PFKFB3: variants seen among roughly 807,000 people sequenced by gnomAD.
The protein encoded by PFKFB3 is 6-phosphofructo-2-kinase/fructose-2,6-biphosphatase 3, also known as 6-phosphofructo-2-kinase/fructose-2,6-bisphosphatase 3.
PFKFB3 carries 33 observed loss-of-function variants against 68.0 expected under a neutral mutation model. The observed-to-expected ratio is 0.49, with a 90% CI of 0.37 to 0.65. The LOEUF is 0.65. Ranked by LOEUF, PFKFB3 falls within the 30% of genes least tolerant of loss-of-function variation. The probability of loss-of-function intolerance (pLI) is 0.00; values close to 1 mark genes in which losing one functional copy is unlikely to be tolerated. For synonymous variants in PFKFB3, 315 were observed against 288.2 expected (o/e 1.09, Z -0.94); for missense variants, 586 against 712.2 (o/e 0.82, Z 2.02).
chr10:6,151,353 TGACAGTTCAAAAACACACTTCCCCCTG>T lies in PFKFB3; in HGVS notation c.16+6342_16+6368del, dbSNP rs1417418942. Reference sequence around the variant, plus strand: ...TGTAGCTCCGGAAGGTGCTCTGACATGACAGTTCAAAAACACACTTCCCCCTGGCCTGGGCTTCAACACTCACTTGTC... The same window carrying T: ...TGTAGCTCCGGAAGGTGCTCTGACATGCCTGGGCTTCAACACTCACTTGTC... On this transcript the variant is annotated intron_variant, in intron 1 of 14. Coordinates refer to the PFKFB3 transcript ENST00000379789. 4.7e-3 allele frequency among the ~76,000 whole-genome samples: 709 copies of T among 152,178 alleles called. 5 individuals are homozygous for T. Among genetic ancestry groups the T allele is most frequent in the African/African-American group, 0.015 (635 of 41,494 alleles).
At chr10:6,183,611 AAAAAT>A (rs371695446) in intron 1 of PFKFB3, among the ~76,000 whole-genome samples, 18,940 of 85,992 alleles carry the variant, frequency 0.22, 1,147 homozygotes, top group East Asian at 0.42. Context: ...CAAAAAAAAA[AAAAAT>A]ATATATATAT....
chr10:6,158,328 T>C (rs75635535), intron 1 of PFKFB3, among the ~76,000 whole-genome samples: 1,636 of 151,852 alleles, frequency 0.011, 65 homozygotes, highest in East Asian at 0.1. Flanking sequence ...AAAATAAAAG[T>C]CAGGCAGTGT....
At chr10:6,209,084 G>A (rs1315010330) in intron 1 of PFKFB3, among the ~76,000 whole-genome samples, 1 of 152,230 alleles carries the variant, frequency 6.6e-6, no homozygotes, top group Non-Finnish European at 1.5e-5. Flanking sequence ...TGGTGCATGT[G>A]CCCAGTGAGC....
At chr10:6,304,786 G>A in the PFKFB3 span, among the ~76,000 whole-genome samples, 4 of 145,178 alleles carry the variant, frequency 2.8e-5, no homozygotes, top group Non-Finnish European at 4.5e-5. Context: ...CTTGCAAAGT[G>A]TTGGGATTAC....
intron 1 of PFKFB3, among the ~76,000 whole-genome samples, chr10:6,177,866 G>A (rs1393171346): frequency 6.6e-6 from 1 of 152,128 alleles, no homozygotes. Context: ...CTTGGGAAAT[G>A]GTGTACACCA....
downstream of PFKFB3, among the ~76,000 whole-genome samples, chr10:6,239,382 A>G (rs900397558): frequency 5.9e-5 from 9 of 152,330 alleles, no homozygotes; most frequent in East Asian, 1.2e-3. Flanking sequence ...GAGTCACATC[A>G]CAGCCTAAGG....
At chr10:6,198,232 T>C (rs12219678), upstream of PFKFB3, among the ~76,000 whole-genome samples, 21,228 of 134,808 alleles carry the variant, frequency 0.16, 3,038 homozygotes, top group African/African-American at 0.39. Context: ...GGTGATAGCA[T>C]GAGACTCCGT....
intron 11 of PFKFB3, among the ~76,000 whole-genome samples, chr10:6,223,439 T>C (rs11257374): frequency 0.046 from 6,971 of 152,268 alleles, 450 homozygotes; most frequent in East Asian, 0.27. Context: ...CAACTCTAAG[T>C]CACCGTGAGG....
At chr10:6,184,771 C>CTT (rs35388630) in intron 1 of PFKFB3, among the ~76,000 whole-genome samples, 74,806 of 121,400 alleles carry the variant, frequency 0.62, 24,116 homozygotes, top group Middle Eastern at 0.67. Context: ...CGCGCCTGGC[C>CTT]TTTTTTTTTT....
At chr10:6,217,218 C>T in intron 6 of PFKFB3, 27 bp downstream of exon 6, 2 of 1,605,524 alleles carry the variant, frequency 1.2e-6, no homozygotes, top group Non-Finnish European at 1.7e-6. Context: ...CCCCGTGCTT[C>T]TGCGGCAGCG....
In PFKFB3 at chr10:6,213,602, CCTT is replaced by C; in HGVS notation, c.77-17_77-15del. ...TCCGGTCACTTGGTTGATGACACAC[CCTT>C]CTTGCTTGTTTTTCCAGCCTGTGGG... is the stretch of plus-strand genomic sequence containing the variant. On this transcript the variant is annotated intron_variant, in intron 1 of 14. Coordinates refer to ENST00000379775, the MANE Select transcript of PFKFB3 (RefSeq NM_004566.4). 1 of 1,606,992 alleles carries C rather than the reference CCTT, an allele frequency of 6.2e-7. No homozygotes were observed. The highest frequency in any genetic ancestry group is 8.5e-7 in the Non-Finnish European group (1 of 1,175,960).
rs1358879118 is a variant in PFKFB3 at position 6,156,127 on chromosome 10, A to ATGTGTGTGTGTGTG, written c.16+11115_16+11116insGTGTGTGTGTGTGT. On this transcript the variant is annotated intron_variant, in intron 1 of 14. Transcript: ENST00000379789. ...AGAGATATTATATATATGTACATATATATGTGTGTGTGTGTGTGTGTGTGT... is the reference window on the plus strand; with the variant it reads ...AGAGATATTATATATATGTACATATATGTGTGTGTGTGTGTATGTGTGTGTGTGTGTGTGTGTGT... 2.8e-4 allele frequency among the ~76,000 whole-genome samples: 13 copies of ATGTGTGTGTGTGTG among 46,786 alleles called. No individual in the cohort carries two copies. In the East Asian group the frequency reaches 3.0e-3, roughly 11 times the overall value. 30.7% of individuals were successfully genotyped at this position (46,786 alleles called of 152,430 possible).
At chr10:6,232,808 C>G (rs184539911) in intron 14 of PFKFB3, 87 bp from the exon 15 acceptor site, 5 of 1,020,006 alleles carry the variant, frequency 4.9e-6, no homozygotes, top group Non-Finnish European at 4.6e-6. Context: ...AAGAATTCTC[C>G]GTTGCATGGC....
At chr10:6,268,742 C>T in the PFKFB3 span, among the ~76,000 whole-genome samples, 1 of 151,104 alleles carries the variant, frequency 6.6e-6, no homozygotes, top group Non-Finnish European at 1.5e-5. Context: ...GTTAAAGAGG[C>T]TGGGTGATGT....
chr10:6,301,518 A>G, the PFKFB3 span, among the ~76,000 whole-genome samples: 1 of 152,244 alleles, frequency 6.6e-6, no homozygotes, highest in Non-Finnish European at 1.5e-5. Context: ...AAAGTGAAGA[A>G]TCCTCATTGA....
Position 6,232,955 on chromosome 10 carries a change from G to A in PFKFB3, c.*13G>A, listed in dbSNP as rs193259523. 6.7e-5 allele frequency: 108 copies of A among 1,605,682 alleles called. No individual in the cohort carries two copies. The East Asian group carries it at 2.0e-3, about 29-fold the overall frequency. On this transcript the variant is annotated 3_prime_UTR_variant, in exon 15 of 15. Coordinates refer to ENST00000379775, the MANE Select transcript of PFKFB3 (RefSeq NM_004566.4). ...CAGGAAACACTGAGGCAGACGTGTC[G>A]GTTCCATTCCATTTCCATTTCTGCA...
downstream of PFKFB3, among the ~76,000 whole-genome samples, chr10:6,257,995 G>C (rs1208624111): frequency 6.6e-6 from 1 of 152,132 alleles, no homozygotes; most frequent in African/African-American, 2.4e-5. Flanking sequence ...TAAAGCAAAA[G>C]CTCACCTAAG....
chr10:6,168,859 T>C (rs1443220144), intron 1 of PFKFB3, among the ~76,000 whole-genome samples: 1 of 152,184 alleles, frequency 6.6e-6, no homozygotes, highest in Non-Finnish European at 1.5e-5. Context: ...TTCAAAGCAC[T>C]TCACGGAATC....
At chr10:6,293,123 A>C in the PFKFB3 span, 1 of 450,242 alleles carries the variant, frequency 2.2e-6, no homozygotes, top group Admixed American at 2.5e-5. Flanking sequence ...GGTGTGGTCT[A>C]TTAGGCTTTT....
Sources: allele counts gnomAD v4.1 joint callset (sites outside exome capture counted in the v4.1 genomes callset), GRCh38; gene constraint gnomAD v4.1.1; transcripts MANE v1.5; gene names NCBI Gene and HGNC (gene_info 2026-07-23, HGNC 2026-07-21).